The following REDIC1 variants were observed in gnomAD, a reference collection of about 807,000 sequenced individuals.
The protein encoded by REDIC1 is regulator of DNA class I crossover intermediates 1.
chr12:39,750,021 C>G, the REDIC1 span, among the ~76,000 whole-genome samples: 1 of 152,142 alleles, frequency 6.6e-6, no homozygotes, highest in Non-Finnish European at 1.5e-5. Context: ...ACAGGGATGC[C>G]CTCTCTCACC....
chr12:39,641,100 C>T, the REDIC1 span: 1 of 869,100 alleles, frequency 1.2e-6, no homozygotes, highest in Non-Finnish European at 1.8e-6. Context: ...AGGCCATCTT[C>T]CTTTGGTCTT....
At chr12:39,903,234 G>A in the REDIC1 span, among the ~76,000 whole-genome samples, 1 of 152,056 alleles carries the variant, frequency 6.6e-6, no homozygotes. Flanking sequence ...GGACTTCACT[G>A]GAATACAAAA....
the REDIC1 span, among the ~76,000 whole-genome samples, chr12:39,754,601 G>A: frequency 6.6e-6 from 1 of 152,170 alleles, no homozygotes; most frequent in East Asian, 1.9e-4. Context: ...GATTGAGGCA[G>A]AATGGCAAGG....
the REDIC1 span, among the ~76,000 whole-genome samples, chr12:39,684,467 G>A: frequency 4.9e-4 from 75 of 152,212 alleles, no homozygotes; most frequent in Middle Eastern, 6.8e-3. Flanking sequence ...AGTGGGATTG[G>A]CACTACAAAT....
At chr12:39,798,359 A>G in the REDIC1 span, among the ~76,000 whole-genome samples, 1 of 152,302 alleles carries the variant, frequency 6.6e-6, no homozygotes, top group African/African-American at 2.4e-5. Context: ...TGAAGTTGTT[A>G]AGTTTTAGAG....
chr12:39,711,573 G>GTATA, the REDIC1 span, among the ~76,000 whole-genome samples: 8 of 69,278 alleles, frequency 1.2e-4, no homozygotes, highest in East Asian at 1.6e-3. Flanking sequence ...GTGTATATGT[G>GTATA]CATACACATG....
chr12:39,659,398 C>T, the REDIC1 span, among the ~76,000 whole-genome samples: 277 of 152,050 alleles, frequency 1.8e-3, no homozygotes, highest in African/African-American at 6.1e-3. Flanking sequence ...CTTTCCTTCT[C>T]CTTGGGGGAC....
chr12:39,664,918 C>T, the REDIC1 span, among the ~76,000 whole-genome samples: 484 of 150,808 alleles, frequency 3.2e-3, 7 homozygotes, highest in African/African-American at 0.011. Flanking sequence ...CTTTTTGATG[C>T]GGTTGTTTTT....
the REDIC1 span, among the ~76,000 whole-genome samples, chr12:39,838,881 G>A: frequency 6.6e-6 from 1 of 152,204 alleles, no homozygotes; most frequent in Non-Finnish European, 1.5e-5. Context: ...AACTCAATGA[G>A]ATGGAGCACT....
the REDIC1 span, among the ~76,000 whole-genome samples, chr12:39,762,613 T>C: frequency 6.6e-6 from 1 of 151,844 alleles, no homozygotes; most frequent in Non-Finnish European, 1.5e-5. Context: ...TATGAAACAA[T>C]AAAAAAGGAG....
chr12:39,897,892 A>C, the REDIC1 span, among the ~76,000 whole-genome samples: 2 of 149,590 alleles, frequency 1.3e-5, no homozygotes, highest in East Asian at 3.9e-4. Context: ...TACAATATAT[A>C]AGACATTTTT....
the REDIC1 span, among the ~76,000 whole-genome samples, chr12:39,696,237 C>A: frequency 6.6e-6 from 1 of 151,864 alleles, no homozygotes; most frequent in Non-Finnish European, 1.5e-5. Context: ...GTGACTTCAC[C>A]AGATGAACTA....
the REDIC1 span, among the ~76,000 whole-genome samples, chr12:39,766,932 C>CT: frequency 1.3e-5 from 2 of 152,052 alleles, no homozygotes; most frequent in African/African-American, 4.8e-5. Context: ...GTCTTCAGCC[C>CT]TTTAAAGTCA....
the REDIC1 span, among the ~76,000 whole-genome samples, chr12:39,711,124 A>G: frequency 6.6e-6 from 1 of 151,376 alleles, no homozygotes; most frequent in Admixed American, 6.6e-5. Flanking sequence ...GTTACCTCAT[A>G]TCAGTGAGAA....
the REDIC1 span, among the ~76,000 whole-genome samples, chr12:39,688,743 A>G: frequency 4.6e-5 from 7 of 152,326 alleles, no homozygotes; most frequent in East Asian, 9.6e-4. Flanking sequence ...AAGTTTTACA[A>G]TAGCAGTAAG....
At chr12:39,721,593 C>T in the REDIC1 span, 19 of 168,064 alleles carry the variant, frequency 1.1e-4, no homozygotes, top group Non-Finnish European at 2.1e-4. Context: ...TGCTTCCTTC[C>T]TTGTAGCATT....
At chr12:39,648,667 C>A in the REDIC1 span, among the ~76,000 whole-genome samples, 2 of 151,104 alleles carry the variant, frequency 1.3e-5, no homozygotes, top group Non-Finnish European at 3.0e-5. Context: ...AACACTATGT[C>A]TTGTTAATGG....
the REDIC1 span, among the ~76,000 whole-genome samples, chr12:39,729,625 T>G: frequency 6.6e-6 from 1 of 152,206 alleles, no homozygotes; most frequent in Non-Finnish European, 1.5e-5. Flanking sequence ...CTGAGAAGAA[T>G]GTATATTCTG....
At chr12:39,850,381 G>A in the REDIC1 span, among the ~76,000 whole-genome samples, 1 of 152,172 alleles carries the variant, frequency 6.6e-6, no homozygotes, top group African/African-American at 2.4e-5. Flanking sequence ...TTGCTCTGCA[G>A]TTGAACTGAG....
Sources: gnomAD v4.1 joint callset for allele counts (sites outside exome capture counted in the v4.1 genomes callset) on GRCh38, gnomAD v4.1.1 for gene constraint, MANE v1.5 for transcripts, NCBI Gene and HGNC (gene_info 2026-07-23, HGNC 2026-07-21) for gene names.